The following CPNE4 variants were observed in gnomAD, a reference collection of about 807,000 sequenced individuals.
The protein encoded by CPNE4 is copine-4.
Under a neutral mutation model 67.9 loss-of-function variants are expected in CPNE4, and 25 were observed. The observed-to-expected ratio is 0.37, with a 90% CI of 0.27 to 0.51. The LOEUF is 0.51. Ranked by LOEUF, CPNE4 falls within the 20% of genes least tolerant of loss-of-function variation. The pLI, the probability that CPNE4 is intolerant of heterozygous loss-of-function variation, is 0.93. For missense variants in CPNE4, 464 were observed against 690.8 expected (o/e 0.67, Z 3.68); for synonymous variants, 242 against 244.9 (o/e 0.99, Z 0.11).
intron 2 of CPNE4, among the ~76,000 whole-genome samples, chr3:131,755,753 G>C (rs2082735900): frequency 6.6e-6 from 1 of 152,150 alleles, no homozygotes; most frequent in South Asian, 2.1e-4. Flanking sequence ...AAGGCCACTT[G>C]TCTACATTAT....
At chr3:131,680,601 G>A (rs1056970440) in intron 6 of CPNE4, among the ~76,000 whole-genome samples, 19 of 151,956 alleles carry the variant, frequency 1.3e-4, no homozygotes, top group Non-Finnish European at 2.8e-4. Flanking sequence ...AAAAATAAAA[G>A]TATTTCATTA....
intron 2 of CPNE4, among the ~76,000 whole-genome samples, chr3:131,862,256 C>T (rs974314378): frequency 6.6e-6 from 1 of 152,008 alleles, no homozygotes; most frequent in Admixed American, 6.6e-5. Context: ...TTGAGAGTAC[C>T]ACGACAATAT....
intron 7 of CPNE4, among the ~76,000 whole-genome samples, chr3:131,653,301 C>T (rs1355520219): frequency 2.0e-5 from 3 of 151,402 alleles, no homozygotes; most frequent in East Asian, 1.9e-4. Flanking sequence ...CTTGCCACCA[C>T]GCCTGGCTAA....
At chr3:131,848,850 C>T (rs567280126) in intron 2 of CPNE4, among the ~76,000 whole-genome samples, 66 of 147,532 alleles carry the variant, frequency 4.5e-4, no homozygotes, top group Non-Finnish European at 7.9e-4. Context: ...AAGCAGTCTG[C>T]TCATTTTAAA....
chr3:131,655,649 T>G (rs1010770464), intron 7 of CPNE4, among the ~76,000 whole-genome samples: 14 of 151,934 alleles, frequency 9.2e-5, no homozygotes, highest in Admixed American at 9.2e-4. Context: ...GAAACCGACG[T>G]CGGGGGGCAG....
At chr3:131,800,567 G>A (rs920726370) in intron 2 of CPNE4, among the ~76,000 whole-genome samples, 2 of 152,148 alleles carry the variant, frequency 1.3e-5, no homozygotes, top group Non-Finnish European at 2.9e-5. Context: ...GTTTAGTGCA[G>A]TAACTTTTGT....
At chr3:131,767,260 C>CGTGTGTGTGT (rs67444198) in intron 2 of CPNE4, among the ~76,000 whole-genome samples, 15 of 150,352 alleles carry the variant, frequency 1.0e-4, no homozygotes, top group African/African-American at 3.4e-4. Context: ...TAAGTGTGAG[C>CGTGTGTGTGT]GTGTGTGTGT....
At chr3:131,887,419 G>C (rs944342514) in intron 2 of CPNE4, among the ~76,000 whole-genome samples, 1 of 152,118 alleles carries the variant, frequency 6.6e-6, no homozygotes, top group Non-Finnish European at 1.5e-5. Flanking sequence ...CATGAAAACA[G>C]ACTAATACAG....
At chr3:131,566,148 A>G (rs1363328929) in intron 10 of CPNE4, among the ~76,000 whole-genome samples, 1 of 151,934 alleles carries the variant, frequency 6.6e-6, no homozygotes, top group Admixed American at 6.6e-5. Context: ...CATGGGTATA[A>G]TTATTCCAAT....
chr3:132,029,681 A>C (rs2074196329), intron 1 of CPNE4, among the ~76,000 whole-genome samples: 2 of 152,218 alleles, frequency 1.3e-5, no homozygotes, highest in Admixed American at 1.3e-4. Flanking sequence ...AGTTAATCCG[A>C]AATACTGTAT....
At chr3:131,861,707 A>G (rs1350908795) in intron 2 of CPNE4, among the ~76,000 whole-genome samples, 2 of 152,172 alleles carry the variant, frequency 1.3e-5, no homozygotes, top group African/African-American at 4.8e-5. Context: ...TGCTGGGATT[A>G]CAGACATGAG....
At chr3:131,743,160 A>G (rs1047013770) in intron 2 of CPNE4, among the ~76,000 whole-genome samples, 1 of 152,202 alleles carries the variant, frequency 6.6e-6, no homozygotes, top group African/African-American at 2.4e-5. Context: ...AAATAATATC[A>G]TATGTGTTTC....
In CPNE4 at chr3:131,757,414, G is replaced by A. The variant is rs1298281451; in HGVS notation, c.181-33789C>T. ...GGTGGCATTTTGCCCCTGCCATAGA[G>A]ATTTGTGGAACTTTGAACTTGAGAG... is the stretch of plus-strand genomic sequence containing the variant. On this transcript the variant is annotated intron_variant, in intron 2 of 15. Coordinates refer to ENST00000429747, the MANE Select transcript of CPNE4 (RefSeq NM_130808.3). Among the ~76,000 whole-genome samples, 4 of 152,216 alleles carry A rather than the reference G, an allele frequency of 2.6e-5. No individual in the cohort carries two copies. The East Asian group carries it at 7.7e-4, about 29-fold the overall frequency.
chr3:131,782,150 T>G (rs2083445850), intron 2 of CPNE4, among the ~76,000 whole-genome samples: 1 of 152,118 alleles, frequency 6.6e-6, no homozygotes, highest in Admixed American at 6.6e-5. Flanking sequence ...TTCAAAACTC[T>G]AAGGACTTCC....
intron 3 of CPNE4, among the ~76,000 whole-genome samples, chr3:131,721,520 C>T (rs2081887222): frequency 1.3e-5 from 2 of 151,732 alleles, no homozygotes; most frequent in East Asian, 3.9e-4. Context: ...CTCAGCCTCA[C>T]GAGTAGCTGG....
intron 2 of CPNE4, among the ~76,000 whole-genome samples, chr3:131,842,823 A>G (rs1212857251): frequency 6.6e-6 from 1 of 152,146 alleles, no homozygotes; most frequent in African/African-American, 2.4e-5. Flanking sequence ...ATGTACATTT[A>G]AAAGTAACAT....
intron 2 of CPNE4, among the ~76,000 whole-genome samples, chr3:131,900,555 C>T (rs1336141483): frequency 6.6e-6 from 1 of 152,074 alleles, no homozygotes; most frequent in African/African-American, 2.4e-5. Flanking sequence ...CTCAAGGTCA[C>T]ACGACTGTCT....
At chr3:131,729,954 C>G (rs541619602) in intron 2 of CPNE4, among the ~76,000 whole-genome samples, 1 of 152,338 alleles carries the variant, frequency 6.6e-6, no homozygotes, top group Admixed American at 6.5e-5. Flanking sequence ...GTGATGGTAA[C>G]TTTTCTGCTC....
chr3:131,621,715 A>G (rs1362807442), intron 7 of CPNE4, among the ~76,000 whole-genome samples: 1 of 152,096 alleles, frequency 6.6e-6, no homozygotes, highest in Admixed American at 6.6e-5. Context: ...ATGCCATTAA[A>G]TGGAATGTAG....
Sources: gnomAD v4.1 joint callset for allele counts (sites outside exome capture counted in the v4.1 genomes callset) on GRCh38, gnomAD v4.1.1 for gene constraint, MANE v1.5 for transcripts, NCBI Gene and HGNC (gene_info 2026-07-23, HGNC 2026-07-21) for gene names.